DOK6: variants seen among roughly 807,000 people sequenced by gnomAD.
DOK6 encodes docking protein 6.
In DOK6, 22 loss-of-function variants were observed where a neutral mutation model predicts 44.0. The observed-to-expected ratio is 0.50, with a 90% CI of 0.36 to 0.71. The LOEUF is 0.71. Among genes scored for constraint, DOK6 ranks in the 30% least tolerant of loss-of-function variants. The pLI, the probability that DOK6 is intolerant of heterozygous loss-of-function variation, is 0.00. For synonymous variants in DOK6, 166 were observed against 145.5 expected, an observed-to-expected ratio of 1.14 and a Z score of -1.01; for missense variants, 340 against 416.4, an observed-to-expected ratio of 0.82 and a Z score of 1.60.
At chr18:69,634,271 A>G (rs1984754101) in intron 3 of DOK6, among the ~76,000 whole-genome samples, 2 of 152,180 alleles carry the variant, frequency 1.3e-5, no homozygotes, top group Non-Finnish European at 2.9e-5. Flanking sequence ...CATATCATGA[A>G]GGTCACATGA....
intron 1 of DOK6, among the ~76,000 whole-genome samples, chr18:69,479,628 CTT>C (rs1980363325): frequency 6.6e-6 from 1 of 152,044 alleles, no homozygotes; most frequent in Non-Finnish European, 1.5e-5. Flanking sequence ...TATTATGTAA[CTT>C]AAAATATTCT....
intron 1 of DOK6, among the ~76,000 whole-genome samples, chr18:69,429,997 G>T (rs769211349): frequency 6.6e-6 from 1 of 152,008 alleles, no homozygotes; most frequent in Non-Finnish European, 1.5e-5. Flanking sequence ...AACAATCTCA[G>T]TGCATAAAGG....
chr18:69,523,760 G>A (rs369337551), intron 1 of DOK6, among the ~76,000 whole-genome samples: 44 of 151,832 alleles, frequency 2.9e-4, no homozygotes, highest in Middle Eastern at 6.8e-3. Flanking sequence ...AAGTAGCAGT[G>A]ATCCAAGAAA....
chr18:69,789,202 T>C (rs1460289045), intron 7 of DOK6, among the ~76,000 whole-genome samples: 4 of 152,192 alleles, frequency 2.6e-5, no homozygotes, highest in Admixed American at 6.5e-5. Context: ...CCACAGTGAT[T>C]AGTATTTATT....
intron 2 of DOK6, among the ~76,000 whole-genome samples, chr18:69,575,248 A>G (rs1397454507): frequency 6.6e-6 from 1 of 152,068 alleles, no homozygotes; most frequent in Non-Finnish European, 1.5e-5. Context: ...CCATATGAGG[A>G]GCAGTTTTCA....
intron 2 of DOK6, among the ~76,000 whole-genome samples, chr18:69,591,196 C>A (rs1327953229): frequency 6.6e-6 from 1 of 152,222 alleles, no homozygotes; most frequent in African/African-American, 2.4e-5. Flanking sequence ...ACTAATTTTA[C>A]ATCTAGACTT....
chr18:69,529,909 A>G (rs17773491), intron 1 of DOK6, among the ~76,000 whole-genome samples: 1 of 152,144 alleles, frequency 6.6e-6, no homozygotes, highest in Admixed American at 6.6e-5. Flanking sequence ...ATTATCTCAT[A>G]TTTGTAGCTT....
intron 1 of DOK6, among the ~76,000 whole-genome samples, chr18:69,449,221 A>G (rs534874652): frequency 1.3e-5 from 2 of 152,242 alleles, no homozygotes; most frequent in Non-Finnish European, 2.9e-5. Context: ...TACTTTTGGT[A>G]TAATACTATA....
chr18:69,591,779 C>A (rs899733855), intron 2 of DOK6, among the ~76,000 whole-genome samples: 1 of 152,010 alleles, frequency 6.6e-6, no homozygotes, highest in African/African-American at 2.4e-5. Context: ...AAGCATGTGA[C>A]ATGGTATCAG....
At chr18:69,493,731 T>C (rs1158234273) in intron 1 of DOK6, among the ~76,000 whole-genome samples, 2 of 152,188 alleles carry the variant, frequency 1.3e-5, no homozygotes, top group East Asian at 3.8e-4. Context: ...TATTTACAAA[T>C]AATAGAAAAT....
Position 69,769,866 on chromosome 18 carries a change from A to G in DOK6, c.856+11993A>G, listed in dbSNP as rs554466963. ...AGAATTTAACAGCCATTCAATGTTC[A>G]TTTAACTTTTCCAATCGGTAAGTGG... On this transcript the variant is annotated intron_variant, in intron 7 of 7. Transcript: ENST00000382713. 2.0e-5 allele frequency among the ~76,000 whole-genome samples: 3 copies of G among 152,216 alleles called. No homozygotes were observed. The South Asian group carries it at 6.2e-4, about 32-fold the overall frequency.
chr18:69,709,742 G>A (rs1408669101), intron 5 of DOK6, among the ~76,000 whole-genome samples: 1 of 152,062 alleles, frequency 6.6e-6, no homozygotes, highest in Non-Finnish European at 1.5e-5. Context: ...TATTTTTCTT[G>A]TTATAAATAA....
chr18:69,531,169 C>T (rs146963155), intron 1 of DOK6, among the ~76,000 whole-genome samples: 4,513 of 149,774 alleles, frequency 0.03, 83 homozygotes, highest in Middle Eastern at 0.049. Context: ...TGAGATGGAT[C>T]TCCTGAATAC....
chr18:69,735,154 C>G (rs1219200765), intron 5 of DOK6, among the ~76,000 whole-genome samples: 1 of 152,146 alleles, frequency 6.6e-6, no homozygotes, highest in Non-Finnish European at 1.5e-5. Flanking sequence ...TCTGACAGTA[C>G]TGTTATCTCA....
chr18:69,708,682 G>C (rs905412046), intron 5 of DOK6, among the ~76,000 whole-genome samples: 1 of 151,538 alleles, frequency 6.6e-6, no homozygotes, highest in Admixed American at 6.6e-5. Context: ...TACTCGGGAG[G>C]CTGAGGCAGA....
intron 2 of DOK6, among the ~76,000 whole-genome samples, chr18:69,595,574 G>A (rs777978963): frequency 8.6e-5 from 13 of 151,964 alleles, no homozygotes; most frequent in Non-Finnish European, 1.8e-4. Flanking sequence ...TAATTTCATC[G>A]TTCTTCCACC....
intron 3 of DOK6, among the ~76,000 whole-genome samples, chr18:69,643,108 T>G (rs1984985301): frequency 6.6e-6 from 1 of 152,238 alleles, no homozygotes; most frequent in Admixed American, 6.5e-5. Context: ...AAACCATTAC[T>G]ATTCTTCTTT....
intron 3 of DOK6, among the ~76,000 whole-genome samples, chr18:69,603,529 C>T (rs757695725): frequency 1.1e-4 from 17 of 152,048 alleles, no homozygotes; most frequent in Non-Finnish European, 1.9e-4. Context: ...CCCAGCACTT[C>T]GGGAGGCCGA....
At chr18:69,542,892 T>G (rs1599182495) in intron 1 of DOK6, among the ~76,000 whole-genome samples, 2 of 151,746 alleles carry the variant, frequency 1.3e-5, no homozygotes, top group Middle Eastern at 6.8e-3. Flanking sequence ...AAACATCATT[T>G]AGTTGAGATC....
Sources: allele counts gnomAD v4.1 joint callset (sites outside exome capture counted in the v4.1 genomes callset), GRCh38; gene constraint gnomAD v4.1.1; transcripts MANE v1.5; gene names NCBI Gene and HGNC (gene_info 2026-07-23, HGNC 2026-07-21).